Variants in COLEC10 observed in about 807,000 individuals in gnomAD.
COLEC10 encodes collectin-10.
In COLEC10, 22 loss-of-function variants were observed where a neutral mutation model predicts 28.4. The ratio of observed to expected loss-of-function variants is 0.78; its 90% CI spans 0.55 to 1.11. The LOEUF (loss-of-function observed/expected upper bound fraction) is 1.11, where lower values mean the gene tolerates loss of function less well. COLEC10 is among the 50% of genes least tolerant of loss of function. The probability of loss-of-function intolerance (pLI) is 0.00; values close to 1 mark genes in which losing one functional copy is unlikely to be tolerated. For missense variants in COLEC10, 361 were observed against 344.1 expected, an observed-to-expected ratio of 1.05 and a Z score of -0.39; for synonymous variants, 125 against 116.1, an observed-to-expected ratio of 1.08 and a Z score of -0.49.
At chr8:118,960,151 G>A in the COLEC10 span, among the ~76,000 whole-genome samples, 6 of 152,228 alleles carry the variant, frequency 3.9e-5, no homozygotes, top group East Asian at 9.7e-4. Flanking sequence ...TGGGGGTAGG[G>A]GGTGTTGGTG....
intron 1 of COLEC10, among the ~76,000 whole-genome samples, chr8:119,007,082 T>C (rs891598570): frequency 1.3e-5 from 2 of 152,026 alleles, no homozygotes; most frequent in Non-Finnish European, 1.5e-5. Context: ...ATGGCAAAAC[T>C]ATAAGCTGGA....
chr8:119,042,713 T>C (rs1216370761), intron 2 of COLEC10, among the ~76,000 whole-genome samples: 1 of 152,220 alleles, frequency 6.6e-6, no homozygotes, highest in Non-Finnish European at 1.5e-5. Context: ...CAAACTTGGC[T>C]GAGTGATTCA....
At chr8:118,975,240 G>C in the COLEC10 span, among the ~76,000 whole-genome samples, 1 of 152,012 alleles carries the variant, frequency 6.6e-6, no homozygotes, top group Non-Finnish European at 1.5e-5. Context: ...TGGAGTCAGA[G>C]TGAAATTAGA....
At chr8:119,103,747 C>A in intron 4 of COLEC10, 53 bp from the exon 5 acceptor site, 1 of 1,057,390 alleles carries the variant, frequency 9.5e-7, no homozygotes, top group Non-Finnish European at 1.5e-6. Flanking sequence ...ATGTTCCTTT[C>A]CACTGGTCTG....
upstream of COLEC10, chr8:119,067,181 T>G (rs906028138): frequency 3.2e-6 from 4 of 1,262,874 alleles, no homozygotes; most frequent in African/African-American, 4.5e-5. Context: ...GGAATGTGTG[T>G]TCCAAATACT....
At chr8:119,055,571 T>C (rs968085576) in intron 2 of COLEC10, among the ~76,000 whole-genome samples, 1 of 152,046 alleles carries the variant, frequency 6.6e-6, no homozygotes, top group Non-Finnish European at 1.5e-5. Flanking sequence ...AAATGTCAAG[T>C]CACAACTCAG....
intron 1 of COLEC10, among the ~76,000 whole-genome samples, chr8:118,995,978 C>CA (rs1437338726): frequency 6.6e-6 from 1 of 152,066 alleles, no homozygotes; most frequent in Admixed American, 6.6e-5. Flanking sequence ...GTTGCACAGA[C>CA]AGTTTCTAGA....
upstream of COLEC10, chr8:119,062,824 A>G (rs1814883290): frequency 6.6e-6 from 1 of 152,200 alleles, no homozygotes; most frequent in Non-Finnish European, 1.5e-5. Flanking sequence ...TTGAAATGTA[A>G]AAAAGAAATT....
chr8:119,075,287 A>G lies in COLEC10; in HGVS notation c.148+7858A>G, dbSNP rs536818782. Among the ~76,000 whole-genome samples the G allele has an allele frequency of 2.0e-5, 3 of 152,340 alleles. No individual in the cohort carries two copies. In the South Asian group the frequency reaches 6.2e-4, roughly 32 times the overall value. On this transcript the variant is annotated intron_variant, in intron 1 of 5. Transcript: ENST00000332843. Reference sequence around the variant, plus strand: ...GTGGTTAGACTCTTCACATTTCTTCATGATATTTCAACCCATAACCAGTGT... The same window carrying G: ...GTGGTTAGACTCTTCACATTTCTTCGTGATATTTCAACCCATAACCAGTGT...
chr8:118,964,916 T>A, the COLEC10 span, among the ~76,000 whole-genome samples: 1 of 152,110 alleles, frequency 6.6e-6, no homozygotes, highest in African/African-American at 2.4e-5. Context: ...GCAGAATAAG[T>A]GTAAGCTGGG....
chr8:118,997,301 G>A (rs1447073908), intron 1 of COLEC10, among the ~76,000 whole-genome samples: 2 of 151,852 alleles, frequency 1.3e-5, no homozygotes, highest in Admixed American at 6.6e-5. Flanking sequence ...TGCAGAGGCT[G>A]TTTAGTTTGA....
chr8:118,995,063 T>G (rs1276655088), upstream of COLEC10, among the ~76,000 whole-genome samples: 1 of 152,176 alleles, frequency 6.6e-6, no homozygotes, highest in African/African-American at 2.4e-5. Context: ...TATCTAATAA[T>G]TAGGTCACTT....
intron 2 of COLEC10, among the ~76,000 whole-genome samples, chr8:119,019,282 T>C (rs1814050457): frequency 1.3e-5 from 2 of 152,138 alleles, no homozygotes; most frequent in African/African-American, 4.8e-5. Flanking sequence ...GGGAGGAGAA[T>C]ACCGGAAAAC....
At chr8:119,028,944 T>A (rs1173002631) in intron 2 of COLEC10, among the ~76,000 whole-genome samples, 4 of 152,218 alleles carry the variant, frequency 2.6e-5, no homozygotes, top group Admixed American at 6.5e-5. Flanking sequence ...TGGTGCTAGA[T>A]GCAAGTAATT....
At chr8:119,011,387 G>C (rs140086734) in intron 2 of COLEC10, among the ~76,000 whole-genome samples, 2 of 150,796 alleles carry the variant, frequency 1.3e-5, no homozygotes, top group African/African-American at 2.5e-5. Flanking sequence ...TGTAGCTTTA[G>C]AATAAGTCCT....
At chr8:119,018,038 G>C (rs559801041) in intron 2 of COLEC10, among the ~76,000 whole-genome samples, 1 of 152,258 alleles carries the variant, frequency 6.6e-6, no homozygotes, top group Non-Finnish European at 1.5e-5. Flanking sequence ...TATTCTAGGA[G>C]GGGACAAAAG....
chr8:119,093,077 A>T (rs1321779201), intron 3 of COLEC10, among the ~76,000 whole-genome samples: 1 of 152,210 alleles, frequency 6.6e-6, no homozygotes, highest in Non-Finnish European at 1.5e-5. Context: ...TGCTTGTACA[A>T]AAAAGATTAG....
At chr8:118,954,905 G>A in the COLEC10 span, among the ~76,000 whole-genome samples, 1 of 152,206 alleles carries the variant, frequency 6.6e-6, no homozygotes, top group African/African-American at 2.4e-5. Context: ...GGAAATACCT[G>A]AGACTCAGGA....
In COLEC10 at chr8:119,022,395, TA is replaced by T. The variant is rs1320758633; in HGVS notation, n.235+12846del. On this transcript the variant is annotated intron_variant and non_coding_transcript_variant, in intron 2 of 6. Transcript: ENST00000521788. ...GATGAATGAAGCACCAAAGATTTTT[TA>T]AAAGGTAGGGGAAATGTATGTTAAC... 3.3e-5 allele frequency among the ~76,000 whole-genome samples: 5 copies of T among 152,266 alleles called. No homozygotes were observed. The East Asian group carries it at 7.7e-4, about 24-fold the overall frequency.
Sources: gnomAD v4.1 joint callset for allele counts (sites outside exome capture counted in the v4.1 genomes callset) on GRCh38, gnomAD v4.1.1 for gene constraint, MANE v1.5 for transcripts, NCBI Gene and HGNC (gene_info 2026-07-23, HGNC 2026-07-21) for gene names.